SYNE2: variants seen among roughly 807,000 people sequenced by gnomAD.
SYNE2 encodes nesprin-2.
In SYNE2, 431 loss-of-function variants were observed where a neutral mutation model predicts 856.3. The ratio of observed to expected loss-of-function variants is 0.50; its 90% CI spans 0.47 to 0.55. SYNE2 has a LOEUF of 0.55. Among genes scored for constraint, SYNE2 ranks in the 20% least tolerant of loss-of-function variants. The probability of loss-of-function intolerance (pLI) is 0.00; values close to 1 mark genes in which losing one functional copy is unlikely to be tolerated. For missense variants in SYNE2, 8,129 were observed against 8,023.2 expected, an observed-to-expected ratio of 1.01 and a Z score of -0.50; for synonymous variants, 2,923 against 2,872.3, an observed-to-expected ratio of 1.02 and a Z score of -0.56.
Position 63,991,050 on chromosome 14 carries a change from A to G in SYNE2, c.2581A>G (p.Met861Val), listed in dbSNP as rs752349970. 12 of 1,614,128 alleles carry G rather than the reference A, an allele frequency of 7.4e-6. No individual in the cohort carries two copies. The highest frequency in any genetic ancestry group is 5.5e-5 in the South Asian group (5 of 91,082). Residue 861 changes from methionine to valine, a missense_variant, in exon 21 of 116, where the codon ATG (methionine) becomes GTG (valine). Transcript: ENST00000555002. ...ATCCCAGAAGGAACTTGAATCATATATGATGAGGGCTCAGCAGTTACTGGG... is the reference window on the plus strand; with the variant it reads ...ATCCCAGAAGGAACTTGAATCATATGTGATGAGGGCTCAGCAGTTACTGGG... ...EESQKELESY[M>V]MRAQQLLGQR...
chr14:64,028,253 T>A (rs2153541767), intron 43 of SYNE2, among the ~76,000 whole-genome samples: 1 of 152,050 alleles, frequency 6.6e-6, no homozygotes, highest in Non-Finnish European at 1.5e-5. Flanking sequence ...TTGATCCTGT[T>A]TATTTATTTA....
intron 65 of SYNE2, among the ~76,000 whole-genome samples, chr14:64,109,000 C>G (rs1054645241): frequency 6.6e-6 from 1 of 151,934 alleles, no homozygotes; most frequent in Non-Finnish European, 1.5e-5. Context: ...CTTAGCCTCC[C>G]GGATGGCTAG....
intron 8 of SYNE2, among the ~76,000 whole-genome samples, chr14:63,958,132 C>G (rs534763831): frequency 6.6e-6 from 1 of 151,994 alleles, no homozygotes; most frequent in Admixed American, 6.6e-5. Context: ...TCCCATAAAC[C>G]CTGCACCCAG....
At chr14:63,937,441 A>G (rs946236445) in intron 2 of SYNE2, among the ~76,000 whole-genome samples, 2 of 152,202 alleles carry the variant, frequency 1.3e-5, no homozygotes, top group African/African-American at 2.4e-5. Flanking sequence ...GATGGGATAT[A>G]GTGTACAAGT....
chr14:64,172,495 T>C (rs548399169), intron 94 of SYNE2, among the ~76,000 whole-genome samples: 1 of 152,306 alleles, frequency 6.6e-6, no homozygotes, highest in East Asian at 1.9e-4. Context: ...ACTTCTTATA[T>C]GGTACCCCAA....
intron 52 of SYNE2, among the ~76,000 whole-genome samples, chr14:64,071,290 C>G (rs553258394): frequency 6.6e-6 from 1 of 151,824 alleles, no homozygotes; most frequent in East Asian, 2.0e-4. Context: ...GTCAGGAGAT[C>G]AAGACCATCC....
chr14:63,953,572 G>A (rs1595856835), intron 7 of SYNE2, among the ~76,000 whole-genome samples: 1 of 142,180 alleles, frequency 7.0e-6, no homozygotes, highest in East Asian at 2.0e-4. Context: ...ATAGATAGAT[G>A]TAGATATTAT....
chr14:64,025,512 GGAAAATCAGATCACTGTGGAATGGTTGAA>G, intron 41 of SYNE2, 91 bp downstream of exon 41: 2 of 1,271,686 alleles, frequency 1.6e-6, no homozygotes, highest in Non-Finnish European at 2.2e-6. Context: ...GCTTCTTAAT[GGAAAATCAGATCACTGTGGAATGGTTGAA>G]GAAATTCAGA....
intron 87 of SYNE2, 92 bp from the exon 88 acceptor site, chr14:64,161,980 G>A (rs1162090086): frequency 2.2e-6 from 3 of 1,375,342 alleles, no homozygotes; most frequent in Non-Finnish European, 3.1e-6. Flanking sequence ...TGATCCATCT[G>A]CTAGTAACTT....
At chr14:63,839,704 A>C (rs1400195909) in intron 1 of SYNE2, among the ~76,000 whole-genome samples, 1 of 152,122 alleles carries the variant, frequency 6.6e-6, no homozygotes, top group African/African-American at 2.4e-5. Flanking sequence ...CAAGAAAAAT[A>C]AATAAAGATA....
intron 100 of SYNE2, among the ~76,000 whole-genome samples, chr14:64,205,429 G>A (rs1435646279): frequency 1.3e-5 from 2 of 151,960 alleles, no homozygotes; most frequent in Admixed American, 6.5e-5. Flanking sequence ...ACCATTTTTG[G>A]TCTGGGTTAA....
At chr14:64,132,625 C>A (rs950756342) in intron 77 of SYNE2, among the ~76,000 whole-genome samples, 187 bp downstream of exon 77, 12 of 152,178 alleles carry the variant, frequency 7.9e-5, no homozygotes, top group Non-Finnish European at 1.8e-4. Context: ...GCTGGGATTT[C>A]TCATACATAG....
chr14:64,094,709 G>T (rs57319207), intron 61 of SYNE2, among the ~76,000 whole-genome samples: 5 of 152,114 alleles, frequency 3.3e-5, no homozygotes, highest in Non-Finnish European at 7.4e-5. Context: ...ACTCAGTATT[G>T]TAAAAATATT....
chr14:64,001,972 C>T lies in SYNE2; in HGVS notation c.3677C>T (p.Pro1226Leu). 1 of 1,614,130 alleles carries T rather than the reference C, an allele frequency of 6.2e-7. No homozygotes were observed. The highest frequency in any genetic ancestry group is 8.5e-7 in the Non-Finnish European group (1 of 1,179,990). Residue 1226 changes from proline to leucine, a missense_variant, in exon 29 of 116, where the codon CCT becomes CTT. Physicochemically the swap from Pro to Leu is moderately conservative, Grantham distance 98. Coordinates refer to ENST00000555002, the MANE Select transcript of SYNE2 (RefSeq NM_182914.3). Reference protein sequence around the residue: ...SLETALRLVLPVEKASLLLCG... With the variant: ...SLETALRLVLLVEKASLLLCG... ...GAGACAGCACTGCGGCTTGTGTTAC[C>T]TGTAGAGAAGGCATCACTTCTTCTC...
intron 51 of SYNE2, among the ~76,000 whole-genome samples, chr14:64,069,134 T>A (rs1441946474): frequency 1.3e-5 from 2 of 152,164 alleles, no homozygotes; most frequent in Admixed American, 6.5e-5. Flanking sequence ...CAGTTTCTGG[T>A]GTGTAAGCAC....
chr14:63,960,111 A>G (rs1180528731), intron 8 of SYNE2, among the ~76,000 whole-genome samples: 1 of 152,232 alleles, frequency 6.6e-6, no homozygotes, highest in Non-Finnish European at 1.5e-5. Context: ...AGTTTTTATA[A>G]AGCAATATCT....
chr14:64,036,606 C>T (rs979379923), intron 45 of SYNE2, among the ~76,000 whole-genome samples: 1 of 152,136 alleles, frequency 6.6e-6, no homozygotes, highest in Non-Finnish European at 1.5e-5. Flanking sequence ...TTCTATTGTT[C>T]TTGACAGATG....
chr14:64,056,587 G>A (rs2097271508), intron 49 of SYNE2, among the ~76,000 whole-genome samples: 1 of 151,486 alleles, frequency 6.6e-6, no homozygotes, highest in African/African-American at 2.4e-5. Context: ...AAAGGACATC[G>A]AGTTCTCTTG....
Position 64,067,526 on chromosome 14 carries a change from C to T in SYNE2, c.10431+1876C>T, listed in dbSNP as rs1005673830. Among the ~76,000 whole-genome samples, 4 of 152,342 alleles carry T rather than the reference C, an allele frequency of 2.6e-5. 1 individual carries two copies. The highest frequency in any genetic ancestry group is 7.2e-5 in the African/African-American group (3 of 41,582). Reference sequence around the variant, plus strand: ...AAAGTATATCATCTAACAGCCCATACATGTAAGCTTCTGTTAGCATGATTG... The same window carrying T: ...AAAGTATATCATCTAACAGCCCATATATGTAAGCTTCTGTTAGCATGATTG... On this transcript the variant is annotated intron_variant, in intron 51 of 115. Coordinates refer to ENST00000555002, the MANE Select transcript of SYNE2 (RefSeq NM_182914.3).
Sources: gnomAD v4.1 joint callset for allele counts (sites outside exome capture counted in the v4.1 genomes callset) on GRCh38, gnomAD v4.1.1 for gene constraint, MANE v1.5 for transcripts, NCBI Gene and HGNC (gene_info 2026-07-23, HGNC 2026-07-21) for gene names.